AGBL4: variants seen among roughly 807,000 people sequenced by gnomAD.
The protein encoded by AGBL4 is cytosolic carboxypeptidase 6.
Under a neutral mutation model 66.4 loss-of-function variants are expected in AGBL4, and 58 were observed. The observed-to-expected ratio is 0.87, with a 90% CI of 0.71 to 1.09. The LOEUF (loss-of-function observed/expected upper bound fraction) is 1.09. Among genes scored for constraint, AGBL4 ranks in the 50% least tolerant of loss-of-function variants. AGBL4 has a pLI of 0.00. For missense variants in AGBL4, 579 were observed against 631.0 expected (o/e 0.92, Z 0.88); for synonymous variants, 234 against 222.9 (o/e 1.05, Z -0.44).
intron 6 of AGBL4, among the ~76,000 whole-genome samples, chr1:48,768,714 G>A (rs1257195911): frequency 6.6e-6 from 1 of 152,210 alleles, no homozygotes; most frequent in East Asian, 1.9e-4. Flanking sequence ...GTATGAGTTT[G>A]TTAGCCAGGA....
intron 3 of AGBL4, among the ~76,000 whole-genome samples, chr1:49,355,841 G>C (rs1644008140): frequency 6.6e-6 from 1 of 152,068 alleles, no homozygotes; most frequent in Non-Finnish European, 1.5e-5. Context: ...ATAAAGCAAA[G>C]AGCAATGAGT....
At chr1:48,703,561 CA>C (rs1202787411) in intron 6 of AGBL4, among the ~76,000 whole-genome samples, 1 of 152,034 alleles carries the variant, frequency 6.6e-6, no homozygotes, top group East Asian at 1.9e-4. Flanking sequence ...CTTTCAGATA[CA>C]AAGCAAGTAT....
chr1:50,001,762 T>G (rs1038494939), intron 1 of AGBL4, among the ~76,000 whole-genome samples: 1 of 152,134 alleles, frequency 6.6e-6, no homozygotes, highest in Non-Finnish European at 1.5e-5. Flanking sequence ...CCAAATCACA[T>G]GGATTTTCCA....
At chr1:49,408,579 G>A (rs1645252338) in intron 3 of AGBL4, among the ~76,000 whole-genome samples, 1 of 152,202 alleles carries the variant, frequency 6.6e-6, no homozygotes, top group Admixed American at 6.5e-5. Flanking sequence ...GTACAGCTAG[G>A]ATAAAAGCAG....
chr1:49,481,752 G>T (rs1646960368), intron 3 of AGBL4, among the ~76,000 whole-genome samples: 1 of 151,794 alleles, frequency 6.6e-6, no homozygotes, highest in African/African-American at 2.4e-5. Context: ...TATGGTGTTG[G>T]CCGTGGGTTG....
chr1:48,611,325 A>T (rs554440949), intron 9 of AGBL4, among the ~76,000 whole-genome samples: 1 of 152,190 alleles, frequency 6.6e-6, no homozygotes, highest in African/African-American at 2.4e-5. Context: ...GAGTAAGTGG[A>T]GGGAGAAAGA....
chr1:48,868,386 G>A (rs760734110), intron 5 of AGBL4, among the ~76,000 whole-genome samples: 42 of 152,328 alleles, frequency 2.8e-4, no homozygotes, highest in Admixed American at 1.2e-3. Context: ...GTCAGGCACA[G>A]TACTAAGTAC....
At chr1:49,058,009 G>A (rs1162488809) in intron 4 of AGBL4, among the ~76,000 whole-genome samples, 1 of 152,090 alleles carries the variant, frequency 6.6e-6, no homozygotes, top group East Asian at 1.9e-4. Context: ...GGTAGGGATG[G>A]GTATTGTGGT....
chr1:49,907,659 G>A (rs533112360), intron 1 of AGBL4, among the ~76,000 whole-genome samples: 58 of 152,264 alleles, frequency 3.8e-4, no homozygotes, highest in Admixed American at 3.7e-3. Context: ...AGGGGCTAGA[G>A]GTTGAGAGAC....
At chr1:48,902,660 C>T (rs906220895) in intron 5 of AGBL4, among the ~76,000 whole-genome samples, 1 of 152,004 alleles carries the variant, frequency 6.6e-6, no homozygotes, top group South Asian at 2.1e-4. Flanking sequence ...CACATTCATC[C>T]CCTCCATATC....
chr1:48,773,868 T>A (rs187696919), intron 6 of AGBL4, among the ~76,000 whole-genome samples: 77 of 152,308 alleles, frequency 5.1e-4, no homozygotes, highest in Admixed American at 9.8e-4. Flanking sequence ...ACAGAGATAA[T>A]GTGTAGGCAT....
intron 4 of AGBL4, among the ~76,000 whole-genome samples, chr1:49,093,228 C>G (rs1378506420): frequency 6.6e-6 from 1 of 152,114 alleles, no homozygotes; most frequent in Non-Finnish European, 1.5e-5. Context: ...GATGAGGGGG[C>G]TCTAGTCTGC....
chr1:48,590,710 A>G, intron 10 of AGBL4, 123 bp downstream of exon 10: 1 of 1,119,116 alleles, frequency 8.9e-7, no homozygotes. Context: ...CATCACCCAC[A>G]CAATACCTAA....
intron 6 of AGBL4, among the ~76,000 whole-genome samples, chr1:48,765,081 C>T (rs1175366548): frequency 6.6e-6 from 1 of 152,184 alleles, no homozygotes; most frequent in African/African-American, 2.4e-5. Flanking sequence ...CCACTCATCT[C>T]CTCCCTCCCT....
At chr1:49,057,237 C>T (rs1644323917) in intron 4 of AGBL4, among the ~76,000 whole-genome samples, 2 of 151,912 alleles carry the variant, frequency 1.3e-5, no homozygotes, top group Non-Finnish European at 2.9e-5. Context: ...CCTGTCTCTA[C>T]CAAAAGAGAA....
chr1:49,863,750 T>C (rs1361856034), intron 1 of AGBL4, among the ~76,000 whole-genome samples: 1 of 152,088 alleles, frequency 6.6e-6, no homozygotes, highest in Non-Finnish European at 1.5e-5. Flanking sequence ...TCTCTCAAAA[T>C]GGCTAATATC....
intron 4 of AGBL4, among the ~76,000 whole-genome samples, chr1:49,091,136 G>C (rs944380857): frequency 5.3e-5 from 8 of 152,134 alleles, no homozygotes; most frequent in African/African-American, 1.7e-4. Flanking sequence ...AAAAATTCTA[G>C]AAGACAACCT....
intron 3 of AGBL4, among the ~76,000 whole-genome samples, chr1:49,689,556 G>A (rs61783633): frequency 0.012 from 1,762 of 152,134 alleles, 20 homozygotes; most frequent in Non-Finnish European, 0.018. Context: ...GTTCTTCTGG[G>A]TCTATTGTGG....
At chr1:49,238,622 C>T (rs1650972435) in intron 4 of AGBL4, among the ~76,000 whole-genome samples, 1 of 152,114 alleles carries the variant, frequency 6.6e-6, no homozygotes, top group Admixed American at 6.6e-5. Context: ...GTGGCAAAGA[C>T]AAAAGTCTAT....
Sources: gnomAD v4.1 joint callset for allele counts (sites outside exome capture counted in the v4.1 genomes callset) on GRCh38, gnomAD v4.1.1 for gene constraint, MANE v1.5 for transcripts, NCBI Gene and HGNC (gene_info 2026-07-23, HGNC 2026-07-21) for gene names.